ARHGAP8: variants seen among roughly 807,000 people sequenced by gnomAD.
The protein encoded by ARHGAP8 is Rho GTPase activating protein 8.
A neutral mutation model predicts 46.1 loss-of-function variants in ARHGAP8; 62 were observed. That is an observed-to-expected ratio of 1.34 (90% confidence interval 1.10 to 1.66). ARHGAP8 has a LOEUF of 1.66. Ranked by LOEUF, ARHGAP8 falls within the 40% of genes most tolerant of loss-of-function variation. ARHGAP8 has a pLI of 0.00. For synonymous variants in ARHGAP8, 375 were observed against 243.1 expected, an observed-to-expected ratio of 1.54 and a Z score of -5.05; for missense variants, 923 against 568.4, an observed-to-expected ratio of 1.62 and a Z score of -6.34.
Position 44,838,968 on chromosome 22 carries a change from G to A in ARHGAP8, c.597-6301G>A, listed in dbSNP as rs569050937. On this transcript the variant is annotated intron_variant, in intron 7 of 11. Coordinates refer to ENST00000356099, the MANE Select transcript of ARHGAP8 (RefSeq NM_181335.3). ...GCGCCAGCATCTCTGCTTTCCAAAT[G>A]GAGAAACTGAAGCTGGAGAGGATAA... Among the ~76,000 whole-genome samples, 86 of 152,330 alleles carry A rather than the reference G, an allele frequency of 5.6e-4. 1 individual carries two copies. Among genetic ancestry groups the A allele is most frequent in the African/African-American group, 1.9e-3 (78 of 41,576 alleles).
At chr22:44,860,845 GC>G (rs1250379706) in intron 11 of ARHGAP8, among the ~76,000 whole-genome samples, 1 of 152,152 alleles carries the variant, frequency 6.6e-6, no homozygotes, top group African/African-American at 2.4e-5. Flanking sequence ...ATCTCTCCAG[GC>G]CTTCGCCCCA....
At chr22:44,861,624 G>C (rs115692772) in intron 11 of ARHGAP8, among the ~76,000 whole-genome samples, 1 of 152,166 alleles carries the variant, frequency 6.6e-6, no homozygotes, top group Admixed American at 6.5e-5. Context: ...CCCCCAGCTT[G>C]AATCTTGTAG....
chr22:44,794,064 C>T (rs1390532891), intron 2 of ARHGAP8, among the ~76,000 whole-genome samples: 1 of 152,198 alleles, frequency 6.6e-6, no homozygotes, highest in African/African-American at 2.4e-5. Flanking sequence ...GAGTCAGCCT[C>T]GGCCAGCTGC....
At chr22:44,854,335 C>G (rs542792454) in intron 10 of ARHGAP8, among the ~76,000 whole-genome samples, 11 of 149,842 alleles carry the variant, frequency 7.3e-5, no homozygotes, top group Admixed American at 2.7e-4. Context: ...CTCCTGGGCT[C>G]AAGTGATCCA....
chr22:44,822,381 G>C lies in ARHGAP8; in HGVS notation c.397G>C (p.Gly133Arg), dbSNP rs1478153399. 1 of 1,578,698 alleles carries C rather than the reference G, an allele frequency of 6.3e-7. No homozygotes were observed. Among genetic ancestry groups the C allele is most frequent in the Non-Finnish European group, 8.6e-7 (1 of 1,167,622 alleles). ...CTTCTGCTTTCTTAGTCACAAGTTT[G>C]GGAAGAAAGTCATCTATTTCAACTA... is the stretch of plus-strand genomic sequence containing the variant. ...ILKPLISHKF[G>R]KKVIYFNYLS... Residue 133 changes from glycine to arginine, a missense_variant, in exon 6 of 12, where the codon GGG (glycine) becomes CGG (arginine). Gly to Arg is a moderately radical substitution (Grantham distance 125). Coordinates refer to ENST00000356099, the MANE Select transcript of ARHGAP8 (RefSeq NM_181335.3).
At chr22:44,839,376 G>C (rs1200230658) in intron 7 of ARHGAP8, among the ~76,000 whole-genome samples, 1 of 151,328 alleles carries the variant, frequency 6.6e-6, no homozygotes, top group Non-Finnish European at 1.5e-5. Flanking sequence ...CACCCATCGA[G>C]ATTGGATATG....
intron 3 of ARHGAP8, among the ~76,000 whole-genome samples, chr22:44,806,996 A>G (rs930094779): frequency 6.6e-6 from 1 of 151,538 alleles, no homozygotes; most frequent in Non-Finnish European, 1.5e-5. Context: ...ACACAGGAGA[A>G]GCTGGCATCC....
intron 5 of ARHGAP8, among the ~76,000 whole-genome samples, chr22:44,821,697 G>A (rs538408535): frequency 6.6e-6 from 1 of 152,234 alleles, no homozygotes; most frequent in African/African-American, 2.4e-5. Context: ...CCTGCAAATA[G>A]CCTTGCATTG....
intron 4 of ARHGAP8, chr22:44,809,492 C>G: frequency 3.3e-6 from 1 of 305,088 alleles, no homozygotes; most frequent in East Asian, 8.8e-5. Context: ...CATTCTGATG[C>G]CTCTTGTTGG....
intron 10 of ARHGAP8, among the ~76,000 whole-genome samples, chr22:44,853,512 C>G (rs2070147125): frequency 6.6e-6 from 1 of 152,140 alleles, no homozygotes; most frequent in South Asian, 2.1e-4. Flanking sequence ...CCGTAGTTTT[C>G]CACGGGAGCA....
chr22:44,804,099 C>A (rs899410526), intron 3 of ARHGAP8, among the ~76,000 whole-genome samples: 1 of 152,128 alleles, frequency 6.6e-6, no homozygotes, highest in East Asian at 2.0e-4. Flanking sequence ...CCATCACCCT[C>A]CTCAAAGCCA....
intron 1 of ARHGAP8, among the ~76,000 whole-genome samples, chr22:44,756,527 G>A (rs914544633): frequency 6.6e-6 from 1 of 151,782 alleles, no homozygotes. Context: ...CCATCTCCCA[G>A]CGTCAACTAT....
rs537440435 is a variant in ARHGAP8 at position 44,815,250 on chromosome 22, G to T, written c.386+492G>T. ...ATTCTCCCAGCAGGAATGTGTGGGGGAGGAGGGAGCATGGCTGGCCGCGGA... is the reference window on the plus strand; with the variant it reads ...ATTCTCCCAGCAGGAATGTGTGGGGTAGGAGGGAGCATGGCTGGCCGCGGA... On this transcript the variant is annotated intron_variant, in intron 5 of 11. Coordinates refer to ENST00000356099, the MANE Select transcript of ARHGAP8 (RefSeq NM_181335.3). Among the ~76,000 whole-genome samples, 8 of 152,324 alleles carry T rather than the reference G, an allele frequency of 5.3e-5. No homozygotes were observed. In the South Asian group the frequency reaches 1.7e-3, roughly 32 times the overall value.
At chr22:44,787,434 C>T (rs1178100647) in intron 2 of ARHGAP8, among the ~76,000 whole-genome samples, 1 of 152,160 alleles carries the variant, frequency 6.6e-6, no homozygotes, top group Non-Finnish European at 1.5e-5. Context: ...CAACCTCTGC[C>T]TCCCGGGTTC....
intron 7 of ARHGAP8, among the ~76,000 whole-genome samples, chr22:44,843,768 C>T (rs1224643823): frequency 2.1e-5 from 3 of 146,132 alleles, no homozygotes; most frequent in African/African-American, 7.7e-5. Context: ...AAGGCTGCAG[C>T]TAGCCAAGAT....
Position 44,862,429 on chromosome 22 carries a change from A to C in ARHGAP8, c.1136A>C (p.Lys379Thr), listed in dbSNP as rs2070540434. 3.7e-6 allele frequency: 6 copies of C among 1,614,104 alleles called. No individual in the cohort carries two copies. The East Asian group carries it at 1.3e-4, about 36-fold the overall frequency. Residue 379 changes from lysine (K) to threonine (T), a missense_variant, in exon 12 of 12, where the codon AAG (lysine) becomes ACG (threonine). Transcript: ENST00000356099. Reference sequence around the variant, plus strand: ...GAACTGCTGATCGAGTACTATGAAAAGATCTTCAGCACCCCGGAGGCACCT... The same window carrying C: ...GAACTGCTGATCGAGTACTATGAAACGATCTTCAGCACCCCGGAGGCACCT... Reference protein sequence around the residue: ...FTELLIEYYEKIFSTPEAPGE... With the variant: ...FTELLIEYYETIFSTPEAPGE...
chr22:44,825,182 G>A (rs2071760), intron 6 of ARHGAP8, among the ~76,000 whole-genome samples: 1 of 151,810 alleles, frequency 6.6e-6, no homozygotes, highest in South Asian at 2.1e-4. Context: ...GGGTGGTCAC[G>A]CCCACCTTGG....
intron 1 of ARHGAP8, among the ~76,000 whole-genome samples, chr22:44,761,163 A>G (rs1191905211): frequency 6.6e-6 from 1 of 152,186 alleles, no homozygotes; most frequent in African/African-American, 2.4e-5. Context: ...TTGATCTGCT[A>G]AGGGAGGCCC....
intron 4 of ARHGAP8, chr22:44,808,745 C>T (rs1200020901): frequency 7.7e-6 from 4 of 521,492 alleles, no homozygotes; most frequent in Non-Finnish European, 1.5e-5. Context: ...GGGTGGATCA[C>T]CTGAGGTCAG....
Sources: allele counts gnomAD v4.1 joint callset (sites outside exome capture counted in the v4.1 genomes callset), GRCh38; gene constraint gnomAD v4.1.1; transcripts MANE v1.5; gene names NCBI Gene and HGNC (gene_info 2026-07-23, HGNC 2026-07-21).